The following HCRTR2 variants were observed in gnomAD, a reference collection of about 807,000 sequenced individuals.
HCRTR2 encodes the protein hypocretin receptor 2.
A neutral mutation model predicts 49.0 loss-of-function variants in HCRTR2; 22 were observed. The ratio of observed to expected loss-of-function variants is 0.45; its 90% CI spans 0.32 to 0.64. The LOEUF (loss-of-function observed/expected upper bound fraction) is 0.64, where lower values mean the gene tolerates loss of function less well. Ranked by LOEUF, HCRTR2 falls within the 30% of genes least tolerant of loss-of-function variation. HCRTR2 has a pLI of 0.04. For missense variants in HCRTR2, 491 were observed against 559.4 expected (o/e 0.88, Z 1.23); for synonymous variants, 236 against 205.3 (o/e 1.15, Z -1.28).
At chr6:55,115,253 T>C (rs529326831) in intron 1 of HCRTR2, among the ~76,000 whole-genome samples, 1 of 151,914 alleles carries the variant, frequency 6.6e-6, no homozygotes, top group African/African-American at 2.4e-5. Context: ...ATTTTGACTC[T>C]TGTGGCTTGA....
At chr6:55,261,556 C>T (rs756361177) in intron 3 of HCRTR2, among the ~76,000 whole-genome samples, 5 of 152,056 alleles carry the variant, frequency 3.3e-5, no homozygotes, top group Admixed American at 6.6e-5. Flanking sequence ...AGACGTGAGC[C>T]TGTAATTGGT....
At chr6:55,238,177 T>C (rs1198266799) in intron 1 of HCRTR2, among the ~76,000 whole-genome samples, 1 of 152,188 alleles carries the variant, frequency 6.6e-6, no homozygotes, top group African/African-American at 2.4e-5. Flanking sequence ...TCATTATCCT[T>C]TATCCCCTAG....
At chr6:55,132,434 G>T (rs906370411) in intron 1 of HCRTR2, among the ~76,000 whole-genome samples, 1 of 151,900 alleles carries the variant, frequency 6.6e-6, no homozygotes, top group Non-Finnish European at 1.5e-5. Flanking sequence ...ATCTATATGT[G>T]CCAGGGGCAC....
intron 1 of HCRTR2, among the ~76,000 whole-genome samples, chr6:55,206,274 T>C (rs1371090029): frequency 6.6e-6 from 1 of 152,118 alleles, no homozygotes; most frequent in Admixed American, 6.6e-5. Flanking sequence ...ATTTGTAATA[T>C]CTGAAACCAT....
chr6:55,175,784 A>T (rs1283769312), intron 1 of HCRTR2, among the ~76,000 whole-genome samples: 3 of 152,092 alleles, frequency 2.0e-5, no homozygotes, highest in Non-Finnish European at 2.9e-5. Context: ...ATATACCTCC[A>T]GAAAAGGGGC....
intron 1 of HCRTR2, among the ~76,000 whole-genome samples, chr6:55,238,434 TC>T (rs1217018984): frequency 6.6e-6 from 1 of 152,174 alleles, no homozygotes; most frequent in Non-Finnish European, 1.5e-5. Context: ...GCCTAAGTAA[TC>T]TTTGAAAAAT....
intron 1 of HCRTR2, among the ~76,000 whole-genome samples, chr6:55,185,743 T>A (rs1765206994): frequency 6.6e-6 from 1 of 152,306 alleles, no homozygotes; most frequent in South Asian, 2.1e-4. Context: ...ATAAATACAC[T>A]AAAGATGAAT....
intron 1 of HCRTR2, among the ~76,000 whole-genome samples, chr6:55,242,424 G>T (rs9475213): frequency 0.012 from 1,872 of 152,082 alleles, 39 homozygotes; most frequent in African/African-American, 0.043. Flanking sequence ...TGATATGATT[G>T]CTCTGAGTAC....
chr6:55,169,101 A>G (rs1312944328), intron 1 of HCRTR2, among the ~76,000 whole-genome samples: 1 of 151,640 alleles, frequency 6.6e-6, no homozygotes, highest in Non-Finnish European at 1.5e-5. Flanking sequence ...TGTATACCTT[A>G]GGGCATTTGC....
At chr6:55,227,287 C>T (rs1766027620) in intron 1 of HCRTR2, among the ~76,000 whole-genome samples, 1 of 152,098 alleles carries the variant, frequency 6.6e-6, no homozygotes, top group Admixed American at 6.6e-5. Context: ...ATTTTGATTA[C>T]TTTTTCCATT....
rs373814812 is a variant in HCRTR2 at position 55,241,006 on chromosome 6, G to C, written c.224-7633G>C. Among the ~76,000 whole-genome samples the C allele has an allele frequency of 4.7e-5, 7 of 148,394 alleles. No homozygotes were observed. The East Asian group carries it at 1.4e-3, about 29-fold the overall frequency. On this transcript the variant is annotated intron_variant, in intron 1 of 6. Coordinates refer to ENST00000370862, the MANE Select transcript of HCRTR2 (RefSeq NM_001384272.1). The stretch of plus-strand genomic sequence containing the variant: ...TTATTATTATACTTTAAGTTTTATA[G>C]TACATGTGCACAATGTGCAGGTTAG...
intron 1 of HCRTR2, among the ~76,000 whole-genome samples, chr6:55,159,896 C>A (rs1249577734): frequency 6.6e-6 from 1 of 152,182 alleles, no homozygotes; most frequent in East Asian, 1.9e-4. Flanking sequence ...AGAAAGGAAT[C>A]AAGTTGGAAA....
In HCRTR2 at chr6:55,207,879, T is replaced by A. The variant is rs1408230196; in HGVS notation, c.223+33069T>A. On this transcript the variant is annotated intron_variant, in intron 1 of 6. Transcript: ENST00000370862. ...CTACTTCTGAATGTTAATATATATC[T>A]GCATTCATTTTAAAAGTCTGCTACA... Among the ~76,000 whole-genome samples the A allele has an allele frequency of 4.6e-5, 7 of 152,234 alleles. No individual in the cohort carries two copies. In the East Asian group the frequency reaches 1.3e-3, roughly 29 times the overall value.
chr6:55,208,607 G>A (rs1765646200), intron 1 of HCRTR2, among the ~76,000 whole-genome samples: 1 of 152,094 alleles, frequency 6.6e-6, no homozygotes, highest in Non-Finnish European at 1.5e-5. Flanking sequence ...TTTATACAAA[G>A]TTTTATTCGT....
At chr6:55,271,983 C>T (rs1220661926) in intron 4 of HCRTR2, among the ~76,000 whole-genome samples, 1 of 152,016 alleles carries the variant, frequency 6.6e-6, no homozygotes, top group Non-Finnish European at 1.5e-5. Context: ...AGAGAATTAC[C>T]ACATTACCCA....
intron 1 of HCRTR2, among the ~76,000 whole-genome samples, chr6:55,239,772 ATTTTTT>A (rs35160150): frequency 1.6e-5 from 2 of 121,354 alleles, no homozygotes; most frequent in African/African-American, 3.3e-5. Flanking sequence ...TAGGCGGTAA[ATTTTTT>A]TTTTTTTTTT....
chr6:55,107,106 G>A (rs141376516), intron 1 of HCRTR2, among the ~76,000 whole-genome samples: 40 of 152,154 alleles, frequency 2.6e-4, no homozygotes, highest in African/African-American at 9.1e-4. Flanking sequence ...ATCTACATTT[G>A]TCATTTTCTT....
At chr6:55,144,642 G>C (rs1385632244) in intron 1 of HCRTR2, among the ~76,000 whole-genome samples, 1 of 152,066 alleles carries the variant, frequency 6.6e-6, no homozygotes, top group Non-Finnish European at 1.5e-5. Flanking sequence ...TGGATCCCTC[G>C]CATGCGCAGT....
rs150788958 is a variant in HCRTR2, at chr6:55,260,820, T to C, written c.647-2887T>C. 2.5e-3 allele frequency among the ~76,000 whole-genome samples: 385 copies of C among 152,334 alleles called. 1 individual carries two copies. Among genetic ancestry groups the C allele is most frequent in the African/African-American group, 8.9e-3 (369 of 41,580 alleles). ...TGATTGCTCAATAAATATTATCTAT[T>C]ATTATGACAATCATCATGCTTATTA... is the stretch of plus-strand genomic sequence containing the variant. On this transcript the variant is annotated intron_variant, in intron 3 of 6. Coordinates refer to ENST00000370862, the MANE Select transcript of HCRTR2 (RefSeq NM_001384272.1).
Sources: gnomAD v4.1 joint callset for allele counts (sites outside exome capture counted in the v4.1 genomes callset) on GRCh38, gnomAD v4.1.1 for gene constraint, MANE v1.5 for transcripts, NCBI Gene and HGNC (gene_info 2026-07-23, HGNC 2026-07-21) for gene names.